Variants in PLAAT5 observed in about 807,000 individuals in gnomAD.
PLAAT5 encodes phospholipase A and acyltransferase 5.
PLAAT5 carries 27 observed loss-of-function variants against 27.8 expected under a neutral mutation model. The observed-to-expected ratio is 0.97, with a 90% CI of 0.72 to 1.34. PLAAT5 has a LOEUF of 1.34. Among genes scored for constraint, PLAAT5 ranks in the 40% most tolerant of loss-of-function variants. The pLI is 0.00. For synonymous variants in PLAAT5, 125 were observed against 136.1 expected, an observed-to-expected ratio of 0.92 and a Z score of 0.57; for missense variants, 368 against 343.8, an observed-to-expected ratio of 1.07 and a Z score of -0.56.
chr11:63,486,008 C>T (rs184031753), intron 3 of PLAAT5, among the ~76,000 whole-genome samples: 1 of 152,078 alleles, frequency 6.6e-6, no homozygotes, highest in Admixed American at 6.5e-5. Flanking sequence ...TACAAATGGC[C>T]AACAAACATA....
chr11:63,481,191 G>T (rs1305546559), intron 3 of PLAAT5, among the ~76,000 whole-genome samples: 1 of 152,192 alleles, frequency 6.6e-6, no homozygotes, highest in Non-Finnish European at 1.5e-5. Flanking sequence ...TATAATCCCA[G>T]CACTGTGGGA....
rs866516287 is a variant in PLAAT5, at chr11:63,463,685, C to G, written c.718-90G>C. 1.8e-5 allele frequency: 17 copies of G among 967,496 alleles called. No individual in the cohort carries two copies. In the African/African-American group the frequency reaches 2.1e-4, roughly 12 times the overall value. The allele number at this position is 967,496 out of a possible 1,614,324, so 59.9% of individuals were successfully genotyped here. A position where few individuals can be genotyped will look rare whatever the true frequency, so the allele number is the denominator to read the frequency against. On this transcript the variant is annotated intron_variant, in intron 5 of 5. Coordinates refer to ENST00000540857, the MANE Select transcript of PLAAT5 (RefSeq NM_001146729.2). ...CCACCCCACCATACCCATTCAGCAACCAGCCTGTCTGGAGTCTATTCCCAA... is the reference window on the plus strand; with the variant it reads ...CCACCCCACCATACCCATTCAGCAAGCAGCCTGTCTGGAGTCTATTCCCAA...
At chr11:63,490,375 G>C (rs761603400) in intron 1 of PLAAT5, 42 bp from the exon 2 acceptor site, 2 of 1,613,824 alleles carry the variant, frequency 1.2e-6, no homozygotes, top group Non-Finnish European at 8.5e-7. Context: ...TGTGAAAGGA[G>C]AGTTCGAGCA....
intron 3 of PLAAT5, among the ~76,000 whole-genome samples, chr11:63,474,087 T>C (rs1265361052): frequency 6.6e-6 from 1 of 152,200 alleles, no homozygotes; most frequent in African/African-American, 2.4e-5. Flanking sequence ...ATCATTTTTA[T>C]ATTCATGCTG....
At chr11:63,485,371 C>T (rs1446093318) in intron 3 of PLAAT5, among the ~76,000 whole-genome samples, 3 of 152,192 alleles carry the variant, frequency 2.0e-5, no homozygotes, top group Non-Finnish European at 2.9e-5. Context: ...CATTACCTGA[C>T]TTTGAACTAT....
chr11:63,473,622 A>C (rs1334581552), intron 3 of PLAAT5, among the ~76,000 whole-genome samples: 1 of 150,760 alleles, frequency 6.6e-6, no homozygotes, highest in Non-Finnish European at 1.5e-5. Flanking sequence ...TGAATGGCAG[A>C]TTTTGACAAA....
In PLAAT5 at chr11:63,468,469, T is replaced by C. The variant is rs368093361; in HGVS notation, c.346-4A>G. The C allele has an allele frequency of 4.2e-5, 67 of 1,608,236 alleles. 1 individual carries two copies. The African/African-American group carries it at 6.7e-4, about 16-fold the overall frequency. On this transcript the variant is annotated splice_region_variant and splice_polypyrimidine_tract_variant and intron_variant, in intron 3 of 5. Transcript: ENST00000540857. ...CAGGTCTGGGTCTTGGTTTTCCCTA[T>C]AATGGAAAAATAAAAGATAAATGGC...
intron 3 of PLAAT5, among the ~76,000 whole-genome samples, chr11:63,488,252 CA>C (rs1003397420): frequency 9.9e-5 from 15 of 152,230 alleles, no homozygotes; most frequent in East Asian, 5.8e-4. Flanking sequence ...TGACAAAAAG[CA>C]TATCAGTTGT....
chr11:63,466,328 G>A lies in PLAAT5; in HGVS notation c.499C>T (p.Arg167Trp), dbSNP rs199633774. Residue 167 changes from arginine (R) to tryptophan (W), a missense_variant, in exon 5 of 6, where the codon CGG (arginine) becomes TGG (tryptophan). By Grantham distance (101) the Arg-to-Trp change is moderately radical. Coordinates refer to ENST00000540857, the MANE Select transcript of PLAAT5 (RefSeq NM_001146729.2). ...VGSITSIFSN[R>W]AVVKYSRLED... is the part of the protein sequence containing the mutation. ...AGACGACTGTATTTCACCACGGCCC[G>A]ATTGCTAAAGATGGAAGTAATGCTG... The A allele has an allele frequency of 3.2e-4, 512 of 1,613,962 alleles. No homozygotes were observed. The highest frequency in any genetic ancestry group is 9.9e-4 in the Middle Eastern group (6 of 6,084).
chr11:63,471,142 T>C (rs1437383922), intron 3 of PLAAT5, among the ~76,000 whole-genome samples: 4 of 152,184 alleles, frequency 2.6e-5, no homozygotes, highest in Non-Finnish European at 2.9e-5. Context: ...CTTTTGCAGA[T>C]GCAGTAAATG....
intron 3 of PLAAT5, among the ~76,000 whole-genome samples, chr11:63,478,557 C>T (rs760246918): frequency 1.3e-5 from 2 of 152,178 alleles, no homozygotes; most frequent in Non-Finnish European, 2.9e-5. Context: ...TCCTGACCTG[C>T]CCGCCTTGGC....
intron 3 of PLAAT5, among the ~76,000 whole-genome samples, chr11:63,479,036 A>G (rs2016220788): frequency 6.6e-6 from 1 of 152,228 alleles, no homozygotes; most frequent in Non-Finnish European, 1.5e-5. Context: ...AAGCAGAATG[A>G]TATTGCAGGA....
At chr11:63,477,117 C>T (rs1371459606) in intron 3 of PLAAT5, among the ~76,000 whole-genome samples, 2 of 152,028 alleles carry the variant, frequency 1.3e-5, no homozygotes, top group Non-Finnish European at 2.9e-5. Context: ...ATTCTTTAAA[C>T]TTGATTTTAT....
intron 3 of PLAAT5, 57 bp downstream of exon 3, chr11:63,488,814 T>C: frequency 8.6e-7 from 1 of 1,169,302 alleles, no homozygotes; most frequent in Non-Finnish European, 1.3e-6. Flanking sequence ...ATACAATATG[T>C]AGAGAAGTTG....
At chr11:63,486,760 G>A (rs548883633) in intron 3 of PLAAT5, among the ~76,000 whole-genome samples, 80 of 152,070 alleles carry the variant, frequency 5.3e-4, no homozygotes, top group African/African-American at 1.9e-3. Context: ...TCACCACGAA[G>A]GAACTTTTGC....
chr11:63,490,554 G>T (rs762462643), intron 1 of PLAAT5: 1 of 705,756 alleles, frequency 1.4e-6, no homozygotes, highest in Non-Finnish European at 2.3e-6. Flanking sequence ...TCCTGGGAAC[G>T]GAATCGGGGA....
At position 63,478,593 on chromosome 11, in the gene PLAAT5, G is replaced by A. The variant is rs189738375; in HGVS notation, c.346-10128C>T. Among the ~76,000 whole-genome samples the A allele has an allele frequency of 1.5e-3, 222 of 152,318 alleles. 2 individuals carry two copies. The highest frequency in any genetic ancestry group is 2.1e-4 in the Non-Finnish European group (14 of 68,024). ...CTCCCAAAGTGCTGGGATTACAGGC[G>A]TGAGCCCACGCCCGACCACGGATGG... On this transcript the variant is annotated intron_variant, in intron 3 of 5. Coordinates refer to ENST00000540857, the MANE Select transcript of PLAAT5 (RefSeq NM_001146729.2).
At chr11:63,483,394 A>G (rs1264598934) in intron 3 of PLAAT5, among the ~76,000 whole-genome samples, 1 of 152,068 alleles carries the variant, frequency 6.6e-6, no homozygotes, top group Admixed American at 6.5e-5. Flanking sequence ...GAAAATCGAA[A>G]ATATATCAAG....
chr11:63,481,284 A>G (rs889215716), intron 3 of PLAAT5, among the ~76,000 whole-genome samples: 3 of 152,134 alleles, frequency 2.0e-5, no homozygotes, highest in African/African-American at 4.8e-5. Context: ...TACTAAAACT[A>G]CAAAAATTAG....
Sources: gnomAD v4.1 joint callset for allele counts (sites outside exome capture counted in the v4.1 genomes callset) on GRCh38, gnomAD v4.1.1 for gene constraint, MANE v1.5 for transcripts, NCBI Gene and HGNC (gene_info 2026-07-23, HGNC 2026-07-21) for gene names.